Variants in DSG4 observed in about 807,000 individuals in gnomAD.
The protein encoded by DSG4 is desmoglein-4.
In DSG4, 87 loss-of-function variants were observed where a neutral mutation model predicts 93.1. The ratio of observed to expected loss-of-function variants is 0.93; its 90% CI spans 0.79 to 1.12. The LOEUF is 1.12. DSG4 is among the 50% of genes most tolerant of loss of function. DSG4 has a pLI of 0.00. For synonymous variants in DSG4, 432 were observed against 452.9 expected (o/e 0.95, Z 0.59); for missense variants, 1,373 against 1,285.7 (o/e 1.07, Z -1.04).
At chr18:31,382,694 A>G (rs1407749368) in intron 1 of DSG4, among the ~76,000 whole-genome samples, 2 of 152,114 alleles carry the variant, frequency 1.3e-5, no homozygotes, top group South Asian at 2.1e-4. Context: ...ACATAAAGTG[A>G]CAGGATTTGG....
At chr18:31,387,940 C>T (rs1407508241) in intron 3 of DSG4, among the ~76,000 whole-genome samples, 2 of 152,068 alleles carry the variant, frequency 1.3e-5, no homozygotes, top group Non-Finnish European at 2.9e-5. Context: ...TTCTGATATT[C>T]TCAACTTATC....
chr18:31,386,294 A>G (rs1165400225), intron 2 of DSG4, among the ~76,000 whole-genome samples: 2 of 152,274 alleles, frequency 1.3e-5, no homozygotes, highest in African/African-American at 4.8e-5. Flanking sequence ...GCATACATGG[A>G]ACAATGATAA....
chr18:31,406,679 G>C (rs2072431008), intron 12 of DSG4, among the ~76,000 whole-genome samples: 1 of 152,128 alleles, frequency 6.6e-6, no homozygotes, highest in African/African-American at 2.4e-5. Flanking sequence ...AGAGTAGAGA[G>C]GCAGAAGCAA....
At position 31,380,329 on chromosome 18, in the gene DSG4, T is replaced by C. The variant is rs146495529; in HGVS notation, c.48+3370T>C. On this transcript the variant is annotated intron_variant, in intron 1 of 15. Coordinates refer to ENST00000308128, the MANE Select transcript of DSG4 (RefSeq NM_177986.5). ...TCCTGAGTACGTAGTCTGACTCTTT[T>C]CTAGTTCTTAAGTATCCAGGAAGGA... Among the ~76,000 whole-genome samples the C allele has an allele frequency of 2.3e-4, 35 of 152,276 alleles. 1 individual carries two copies. In the South Asian group the frequency reaches 5.6e-3, roughly 24 times the overall value.
chr18:31,381,362 G>A (rs763535331), intron 1 of DSG4, among the ~76,000 whole-genome samples: 8 of 151,412 alleles, frequency 5.3e-5, no homozygotes, highest in Non-Finnish European at 1.0e-4. Context: ...CAAAAGTCTC[G>A]AAAGGTAAAT....
At chr18:31,395,213 C>T (rs2072293228) in intron 8 of DSG4, among the ~76,000 whole-genome samples, 1 of 151,322 alleles carries the variant, frequency 6.6e-6, no homozygotes, top group African/African-American at 2.4e-5. Context: ...AATGTACTAT[C>T]TGACTTATGT....
chr18:31,408,097 G>GT (rs1447249633), intron 12 of DSG4, among the ~76,000 whole-genome samples: 2 of 152,314 alleles, frequency 1.3e-5, no homozygotes, highest in East Asian at 3.9e-4. Flanking sequence ...ATGGACACTT[G>GT]TTTTCAATGG....
chr18:31,385,159 A>G lies in DSG4; in HGVS notation c.72A>G (p.Glu24=). The change falls in exon 2 of 16, where the codon GAA becomes GAG. Residue 24 remains glutamate, a synonymous_variant. Coordinates refer to ENST00000308128, the MANE Select transcript of DSG4 (RefSeq NM_177986.5). ...AGGTGGTGATGGAAGTAAACAGTGA[A>G]TTTATTGTTGAGGTAATGTAAAATA... The part of the protein sequence containing the change: ...ILMVVMEVNS[E]FIVEVKEFDI... 6.3e-7 allele frequency: 1 copy of G among 1,595,860 alleles called. No individual in the cohort carries two copies. The highest frequency in any genetic ancestry group is 8.6e-7 in the Non-Finnish European group (1 of 1,168,608).
At chr18:31,390,413 C>T (rs1461600413) in intron 5 of DSG4, among the ~76,000 whole-genome samples, 1 of 152,046 alleles carries the variant, frequency 6.6e-6, no homozygotes, top group Non-Finnish European at 1.5e-5. Context: ...TGTTTAGCCA[C>T]TAATTTAGTA....
chr18:31,380,891 G>C (rs779630897), intron 1 of DSG4, among the ~76,000 whole-genome samples: 7 of 152,060 alleles, frequency 4.6e-5, no homozygotes, highest in Non-Finnish European at 1.0e-4. Context: ...TATGCTTAGA[G>C]TCTACATATC....
chr18:31,405,947 T>C (rs2072419400), intron 11 of DSG4, 130 bp from the exon 12 acceptor site: 1 of 876,596 alleles, frequency 1.1e-6, no homozygotes, highest in African/African-American at 1.7e-5. Context: ...AAGTACAAGG[T>C]GCTTTATGAC....
intron 1 of DSG4, among the ~76,000 whole-genome samples, chr18:31,384,043 A>G (rs1229356788): frequency 6.6e-6 from 1 of 152,210 alleles, no homozygotes; most frequent in Non-Finnish European, 1.5e-5. Context: ...TACCAGAAAA[A>G]AAATTCCAAT....
chr18:31,403,698 T>C, intron 11 of DSG4, 64 bp downstream of exon 11: 1 of 1,471,890 alleles, frequency 6.8e-7, no homozygotes, highest in Middle Eastern at 1.7e-4. Flanking sequence ...TACCAAAAAA[T>C]GTGGCAAGTC....
intron 8 of DSG4, among the ~76,000 whole-genome samples, chr18:31,397,610 G>A (rs2072319282): frequency 6.6e-6 from 1 of 152,200 alleles, no homozygotes. Context: ...TACAACTTTA[G>A]ACACATGTTG....
intron 10 of DSG4, among the ~76,000 whole-genome samples, chr18:31,402,859 CTT>C (rs1482129290): frequency 3.3e-5 from 5 of 152,250 alleles, no homozygotes; most frequent in South Asian, 2.1e-4. Flanking sequence ...ATCTAATAGA[CTT>C]ATATTTGTTT....
intron 1 of DSG4, among the ~76,000 whole-genome samples, chr18:31,383,423 T>A (rs1466595187): frequency 6.6e-6 from 1 of 152,194 alleles, no homozygotes; most frequent in African/African-American, 2.4e-5. Context: ...TTGGGACACG[T>A]ATTTTGCTGA....
chr18:31,413,748 G>A lies in DSG4; in HGVS notation c.*153G>A, dbSNP rs1201192957. 3.8e-6 allele frequency: 4 copies of A among 1,049,884 alleles called. No homozygotes were observed. The highest frequency in any genetic ancestry group is 5.5e-6 in the Non-Finnish European group (4 of 726,548). 65.0% of individuals were successfully genotyped at this position (1,049,884 alleles called of 1,614,324 possible). On this transcript the variant is annotated 3_prime_UTR_variant, in exon 16 of 16. Coordinates refer to ENST00000308128, the MANE Select transcript of DSG4 (RefSeq NM_177986.5). Reference sequence around the variant, plus strand: ...CATTATTTGATTATACCATTTTGAGGGTGAATATGGCTAGGCACTTTAGAT... The same window carrying A: ...CATTATTTGATTATACCATTTTGAGAGTGAATATGGCTAGGCACTTTAGAT...
In DSG4 at chr18:31,413,704, G is replaced by C; in HGVS notation, c.*109G>C. On this transcript the variant is annotated 3_prime_UTR_variant, in exon 16 of 16. Coordinates refer to ENST00000308128, the MANE Select transcript of DSG4 (RefSeq NM_177986.5). ...TATATTAATAGTCAACAAATACTCA[G>C]ATATTCTAAGGTCAATGCCATTATT... 7.2e-7 allele frequency: 1 copy of C among 1,397,480 alleles called. No homozygotes were observed. The allele number at this position is 1,397,480 out of a possible 1,614,324, so 86.6% of individuals were successfully genotyped here.
intron 8 of DSG4, among the ~76,000 whole-genome samples, chr18:31,396,354 CTTTTTT>C (rs71383035): frequency 5.4e-5 from 4 of 73,972 alleles, no homozygotes; most frequent in East Asian, 3.5e-4. Flanking sequence ...AGGGTCATTG[CTTTTTT>C]TTTTTTTTTT....
Sources: allele counts gnomAD v4.1 joint callset (sites outside exome capture counted in the v4.1 genomes callset), GRCh38; gene constraint gnomAD v4.1.1; transcripts MANE v1.5; gene names NCBI Gene and HGNC (gene_info 2026-07-23, HGNC 2026-07-21).